LRPPRC: variants seen among roughly 807,000 people sequenced by gnomAD.
LRPPRC encodes leucine-rich PPR motif-containing protein, mitochondrial.
In LRPPRC, 120 loss-of-function variants were observed where a neutral mutation model predicts 180.3. The ratio of observed to expected loss-of-function variants is 0.67; its 90% CI spans 0.57 to 0.77. LRPPRC has a LOEUF of 0.77. Among genes scored for constraint, LRPPRC ranks in the 30% least tolerant of loss-of-function variants. The probability of loss-of-function intolerance (pLI) is 0.00; values close to 1 mark genes in which losing one functional copy is unlikely to be tolerated. For synonymous variants in LRPPRC, 723 were observed against 600.0 expected (o/e 1.21, Z -3.00); for missense variants, 2,012 against 1,657.2 (o/e 1.21, Z -3.72).
rs548069679 is a variant in LRPPRC at position 43,890,436 on chromosome 2, G to A, written c.3986-560C>T. 3.9e-5 allele frequency: 17 copies of A among 439,120 alleles called. No individual in the cohort carries two copies. In the East Asian group the frequency reaches 6.3e-4, roughly 16 times the overall value. 27.2% of individuals were successfully genotyped at this position (439,120 alleles called of 1,614,324 possible). On this transcript the variant is annotated intron_variant, in intron 36 of 37. Coordinates refer to ENST00000260665, the MANE Select transcript of LRPPRC (RefSeq NM_133259.4). ...CACACACACAAAAAACCTATAGGCC[G>A]GGCGCAGTGGCTCACGCCTGTAATC... is the stretch of plus-strand genomic sequence containing the variant.
At chr2:43,933,842 A>T (rs1558965235) in intron 25 of LRPPRC, among the ~76,000 whole-genome samples, 1 of 152,240 alleles carries the variant, frequency 6.6e-6, no homozygotes, top group Non-Finnish European at 1.5e-5. Flanking sequence ...TGCTTTTAAG[A>T]ACAAAGAATT....
At chr2:43,916,176 T>G (rs1023834937) in intron 29 of LRPPRC, among the ~76,000 whole-genome samples, 1 of 152,222 alleles carries the variant, frequency 6.6e-6, no homozygotes, top group Non-Finnish European at 1.5e-5. Context: ...CTCTTGTGTT[T>G]ATTTCCTTAA....
intron 23 of LRPPRC, among the ~76,000 whole-genome samples, chr2:43,939,837 CAT>C (rs1371727539): frequency 3.9e-5 from 6 of 152,204 alleles, no homozygotes; most frequent in Non-Finnish European, 7.3e-5. Flanking sequence ...ACTAACTTCA[CAT>C]GTCAAGTGCT....
At position 43,974,880 on chromosome 2, in the gene LRPPRC, C is replaced by T. The variant is rs1428502571; in HGVS notation, c.865-122G>A. The T allele has an allele frequency of 3.7e-6, 4 of 1,089,480 alleles. No homozygotes were observed. The Admixed American group carries it at 6.1e-5, about 17-fold the overall frequency. 67.5% of individuals were successfully genotyped at this position (1,089,480 alleles called of 1,614,324 possible). On this transcript the variant is annotated intron_variant, in intron 7 of 37. Coordinates refer to ENST00000260665, the MANE Select transcript of LRPPRC (RefSeq NM_133259.4). Reference sequence around the variant, plus strand: ...AATACCACCTAAAGGTTTACGACTTCTTTTAAAAAACAGGAAATACTCTAC... The same window carrying T: ...AATACCACCTAAAGGTTTACGACTTTTTTTAAAAAACAGGAAATACTCTAC...
rs1012678591 is a variant in LRPPRC, at chr2:43,982,578, G to A, written c.150-144C>T. 5.5e-5 allele frequency: 36 copies of A among 651,822 alleles called. No individual in the cohort carries two copies. In the South Asian group the frequency reaches 6.6e-4, roughly 12 times the overall value. 40.4% of individuals were successfully genotyped at this position (651,822 alleles called of 1,614,324 possible). A position where few individuals can be genotyped will look rare whatever the true frequency, so the allele number is the denominator to read the frequency against. ...CAAAAATAGAGGTATGAACTAATGGGAAAGAAAGTTTTAGCTTTTACTTTA... is the reference window on the plus strand; with the variant it reads ...CAAAAATAGAGGTATGAACTAATGGAAAAGAAAGTTTTAGCTTTTACTTTA... On this transcript the variant is annotated intron_variant, in intron 1 of 37. Transcript: ENST00000260665.
intron 36 of LRPPRC, among the ~76,000 whole-genome samples, chr2:43,891,967 G>C (rs113338546): frequency 3.3e-5 from 5 of 152,346 alleles, no homozygotes; most frequent in African/African-American, 1.2e-4. Flanking sequence ...CATGGAGAAA[G>C]TTTTATTGGT....
At chr2:43,970,488 T>C (rs2103698133) in intron 11 of LRPPRC, among the ~76,000 whole-genome samples, 1 of 152,290 alleles carries the variant, frequency 6.6e-6, no homozygotes, top group East Asian at 1.9e-4. Flanking sequence ...TCACATTTCT[T>C]TTCACAAGAA....
At chr2:43,894,681 T>G (rs1347737950) in intron 35 of LRPPRC, 52 bp from the exon 36 acceptor site, 7 of 865,810 alleles carry the variant, frequency 8.1e-6, no homozygotes, top group African/African-American at 1.6e-5. Flanking sequence ...TAACAGTGAA[T>G]TAGAACACTG....
chr2:43,914,663 G>C (rs1344122741), intron 29 of LRPPRC, among the ~76,000 whole-genome samples: 1 of 152,036 alleles, frequency 6.6e-6, no homozygotes, highest in Non-Finnish European at 1.5e-5. Context: ...AGGAGGCAGA[G>C]GCTGCAGTGA....
intron 13 of LRPPRC, among the ~76,000 whole-genome samples, chr2:43,959,579 G>A (rs1395061548): frequency 6.6e-6 from 1 of 152,078 alleles, no homozygotes; most frequent in Non-Finnish European, 1.5e-5. Context: ...TAAAAAATAA[G>A]GTCTCTTAAG....
intron 23 of LRPPRC, among the ~76,000 whole-genome samples, chr2:43,937,273 G>T (rs963576174): frequency 6.6e-6 from 1 of 152,114 alleles, no homozygotes; most frequent in Non-Finnish European, 1.5e-5. Flanking sequence ...AAGAACCAAT[G>T]TTACTGCTCT....
Position 43,896,635 on chromosome 2 carries a change from T to C in LRPPRC, c.3899A>G (p.Lys1300Arg). The C allele has an allele frequency of 6.2e-7, 1 of 1,602,904 alleles. No homozygotes were observed. The highest frequency in any genetic ancestry group is 8.5e-7 in the Non-Finnish European group (1 of 1,170,072). Residue 1300 changes from lysine (K) to arginine (R), a missense_variant and splice_region_variant, in exon 35 of 38, where the codon AAG (lysine) becomes AGG (arginine). Coordinates refer to ENST00000260665, the MANE Select transcript of LRPPRC (RefSeq NM_133259.4). ...TTGTAAGCAGGTAAAGCACAGTACC[T>C]TTCCTTGTTTCCTAGAATTCCTAAG... is the stretch of plus-strand genomic sequence containing the variant. ...FLLRNSRKQG[K>R]ASTVKSVLEL...
At chr2:43,891,974 T>C (rs925714181) in intron 36 of LRPPRC, among the ~76,000 whole-genome samples, 13 of 152,222 alleles carry the variant, frequency 8.5e-5, no homozygotes, top group African/African-American at 3.1e-4. Flanking sequence ...AAAGTTTTAT[T>C]GGTCCGGATA....
intron 13 of LRPPRC, among the ~76,000 whole-genome samples, chr2:43,959,997 T>G (rs1411816348): frequency 2.0e-5 from 3 of 152,252 alleles, no homozygotes; most frequent in Admixed American, 2.0e-4. Flanking sequence ...TCATTTAACT[T>G]CTCTATGCCT....
In LRPPRC at chr2:43,947,813, C is replaced by T. The variant is rs149407238; in HGVS notation, c.1921-38G>A. The T allele has an allele frequency of 3.8e-5, 51 of 1,356,392 alleles. No individual in the cohort carries two copies. In the African/African-American group the frequency reaches 5.8e-4, roughly 16 times the overall value. 84.0% of individuals were successfully genotyped at this position (1,356,392 alleles called of 1,614,324 possible). On this transcript the variant is annotated intron_variant, in intron 18 of 37. Coordinates refer to ENST00000260665, the MANE Select transcript of LRPPRC (RefSeq NM_133259.4). Reference sequence around the variant, plus strand: ...TTTAAATTAGCCCAGAATTAGAAAACACACGTAAAAATACATCAGCAAACA... The same window carrying T: ...TTTAAATTAGCCCAGAATTAGAAAATACACGTAAAAATACATCAGCAAACA...
rs749148902 is a variant in LRPPRC at position 43,945,402 on chromosome 2, T to C, written c.2226A>G (p.Ser742=). 5 of 1,610,320 alleles carry C rather than the reference T, an allele frequency of 3.1e-6. No individual in the cohort carries two copies. The Admixed American group carries it at 6.7e-5, about 21-fold the overall frequency. Residue 742 remains serine, a synonymous_variant, in exon 22 of 38, where the codon TCA becomes TCG. Coordinates refer to ENST00000260665, the MANE Select transcript of LRPPRC (RefSeq NM_133259.4). ...ACTTGCCGGTGTCAAGGACAGCAGA[T>C]GAATCTAAGCGGTCACTAAAAATTA... ...NLKEEFDRLD[S]SAVLDTGKYV...
At chr2:43,972,952 A>T (rs1048169245) in intron 11 of LRPPRC, among the ~76,000 whole-genome samples, 6 of 152,224 alleles carry the variant, frequency 3.9e-5, no homozygotes, top group African/African-American at 1.4e-4. Context: ...AATTACCAAT[A>T]ATGCAAACCG....
At chr2:43,931,868 C>G (rs1027421793) in intron 25 of LRPPRC, among the ~76,000 whole-genome samples, 1 of 151,912 alleles carries the variant, frequency 6.6e-6, no homozygotes, top group Non-Finnish European at 1.5e-5. Flanking sequence ...GCATGGCTTC[C>G]CAGTTGGACC....
intron 23 of LRPPRC, among the ~76,000 whole-genome samples, chr2:43,939,499 AAAAC>A (rs923187951): frequency 6.6e-5 from 10 of 152,296 alleles, no homozygotes; most frequent in South Asian, 2.1e-4. Flanking sequence ...TAAAAAAGAA[AAAAC>A]AAACAAACAA....
Sources: gnomAD v4.1 joint callset for allele counts (sites outside exome capture counted in the v4.1 genomes callset) on GRCh38, gnomAD v4.1.1 for gene constraint, MANE v1.5 for transcripts, NCBI Gene and HGNC (gene_info 2026-07-23, HGNC 2026-07-21) for gene names.